PLD5: variants seen among roughly 807,000 people sequenced by gnomAD.
PLD5 encodes the protein phospholipase D family member 5.
A neutral mutation model predicts 61.1 loss-of-function variants in PLD5; 36 were observed. The ratio of observed to expected loss-of-function variants is 0.59; its 90% confidence interval spans 0.45 to 0.78. The LOEUF is 0.78. PLD5 is among the 30% of genes least tolerant of loss of function. The probability of loss-of-function intolerance (pLI) is 0.00; values close to 1 mark genes in which losing one functional copy is unlikely to be tolerated. For missense variants in PLD5, 515 were observed against 644.4 expected, an observed-to-expected ratio of 0.80 and a Z score of 2.17; for synonymous variants, 243 against 242.8, an observed-to-expected ratio of 1.00 and a Z score of -0.01.
intron 4 of PLD5, among the ~76,000 whole-genome samples, chr1:242,246,475 GACAAC>G (rs1672364273): frequency 3.1e-5 from 2 of 63,880 alleles, no homozygotes; most frequent in Non-Finnish European, 6.8e-5. Flanking sequence ...GCATAGAAAA[GACAAC>G]ACACACACAC....
intron 5 of PLD5, among the ~76,000 whole-genome samples, chr1:242,199,514 CAA>C (rs1668850340): frequency 6.6e-6 from 1 of 152,150 alleles, no homozygotes; most frequent in Non-Finnish European, 1.5e-5. Flanking sequence ...CTCGGCCTCC[CAA>C]AGGTCTGGGA....
chr1:242,235,115 T>C (rs1001335334), intron 4 of PLD5, among the ~76,000 whole-genome samples: 2 of 152,166 alleles, frequency 1.3e-5, no homozygotes. Context: ...TCTGTGCAGT[T>C]CCCTTTTGTA....
At chr1:242,410,790 C>A (rs1018354126) in intron 1 of PLD5, among the ~76,000 whole-genome samples, 2 of 152,038 alleles carry the variant, frequency 1.3e-5, no homozygotes, top group Admixed American at 6.6e-5. Context: ...CAACCTCAGG[C>A]ATAAATGGGT....
intron 1 of PLD5, among the ~76,000 whole-genome samples, chr1:242,483,601 G>T (rs372589865): frequency 7.9e-4 from 120 of 152,132 alleles, no homozygotes; most frequent in African/African-American, 2.0e-3. Flanking sequence ...CTCCCACACA[G>T]TAATAATGGG....
chr1:242,108,818 C>T (rs1316523628), intron 7 of PLD5, among the ~76,000 whole-genome samples: 1 of 152,106 alleles, frequency 6.6e-6, no homozygotes, highest in Non-Finnish European at 1.5e-5. Flanking sequence ...CTCTAAAGGC[C>T]TCCTGTCCTT....
chr1:242,374,407 CAG>C (rs1185201481), intron 1 of PLD5, among the ~76,000 whole-genome samples: 1 of 152,096 alleles, frequency 6.6e-6, no homozygotes, highest in Non-Finnish European at 1.5e-5. Flanking sequence ...TCTTGTGGCT[CAG>C]AAAACAATAT....
intron 3 of PLD5, among the ~76,000 whole-genome samples, chr1:242,286,976 G>A (rs1675062477): frequency 6.6e-6 from 1 of 152,078 alleles, no homozygotes; most frequent in Non-Finnish European, 1.5e-5. Flanking sequence ...TCCAAAGATG[G>A]CCACCAATAA....
chr1:242,149,973 G>A (rs1259545162), intron 5 of PLD5, among the ~76,000 whole-genome samples: 1 of 151,700 alleles, frequency 6.6e-6, no homozygotes, highest in African/African-American at 2.4e-5. Context: ...AGCATCTTGT[G>A]TTATAAACTT....
At chr1:242,340,178 C>G (rs1659751099) in intron 2 of PLD5, among the ~76,000 whole-genome samples, 1 of 152,122 alleles carries the variant, frequency 6.6e-6, no homozygotes, top group African/African-American at 2.4e-5. Context: ...ATTTAGTGCC[C>G]TGGAAATCCA....
chr1:242,351,728 T>G (rs2149224701), intron 1 of PLD5, among the ~76,000 whole-genome samples: 1 of 152,324 alleles, frequency 6.6e-6, no homozygotes, highest in South Asian at 2.1e-4. Context: ...AAAATGTTTC[T>G]CTCAAAACTC....
rs531869564 is a variant in PLD5 at position 242,344,188 on chromosome 1, A to T, written c.326+3918T>A. On this transcript the variant is annotated intron_variant, in intron 2 of 9. Transcript: ENST00000536534. ...TTGTTGCTATTTCCAATTCAGGATC[A>T]ACCAGAAAAAGTCAAATATGACCCT... 2.6e-5 allele frequency among the ~76,000 whole-genome samples: 4 copies of T among 152,372 alleles called. No individual in the cohort carries two copies. The East Asian group carries it at 7.7e-4, about 29-fold the overall frequency.
Position 242,256,888 on chromosome 1 carries a change from C to T in PLD5, c.607+8449G>A, listed in dbSNP as rs933516076. 7.3e-6 allele frequency among the ~76,000 whole-genome samples: 1 copy of T among 136,204 alleles called. No individual in the cohort carries two copies. The highest frequency in any genetic ancestry group is 1.6e-5 in the Non-Finnish European group (1 of 63,726). 89.4% of individuals were successfully genotyped at this position (136,204 alleles called of 152,430 possible). A position where few individuals can be genotyped will look rare whatever the true frequency, so the allele number is the denominator to read the frequency against. Reference sequence around the variant, plus strand: ...CCTATCTTCTTTCTTTTCTCTCCCTCTTCTTTCTCTTTCTTTTTTCATCTA... The same window carrying T: ...CCTATCTTCTTTCTTTTCTCTCCCTTTTCTTTCTCTTTCTTTTTTCATCTA... On this transcript the variant is annotated intron_variant, in intron 4 of 9. Coordinates refer to ENST00000536534, the MANE Select transcript of PLD5 (RefSeq NM_001372062.1). This position sits in a 1 kb window ranked among gnomAD's most constrained non-coding sequence, Gnocchi z 5.7.
intron 5 of PLD5, among the ~76,000 whole-genome samples, chr1:242,182,948 A>G (rs1667618633): frequency 6.6e-6 from 1 of 152,258 alleles, no homozygotes; most frequent in Non-Finnish European, 1.5e-5. Context: ...TAACTTAGGT[A>G]AGAAACAACA....
At chr1:242,186,203 G>A (rs1667872245) in intron 5 of PLD5, among the ~76,000 whole-genome samples, 1 of 150,692 alleles carries the variant, frequency 6.6e-6, no homozygotes, top group Admixed American at 6.6e-5. Flanking sequence ...TCTTTTTTGA[G>A]ATGGAGTCTC....
At chr1:242,145,955 C>G (rs570489671) in intron 5 of PLD5, among the ~76,000 whole-genome samples, 2 of 152,170 alleles carry the variant, frequency 1.3e-5, no homozygotes, top group Admixed American at 6.5e-5. Context: ...GGATTACAGG[C>G]GTGAGCCACC....
intron 6 of PLD5, among the ~76,000 whole-genome samples, chr1:242,121,845 A>G (rs1662389665): frequency 6.6e-6 from 1 of 151,870 alleles, no homozygotes; most frequent in Admixed American, 6.6e-5. Flanking sequence ...GCAAGGACAG[A>G]AAACCAAACA....
intron 5 of PLD5, among the ~76,000 whole-genome samples, chr1:242,198,452 T>A (rs182157114): frequency 1.7e-5 from 1 of 60,444 alleles, no homozygotes; most frequent in African/African-American, 1.8e-4. Context: ...ACTGAAATTG[T>A]TTTTTTTTAT....
chr1:242,302,787 TAC>T (rs1198802090), intron 2 of PLD5, among the ~76,000 whole-genome samples: 3 of 152,224 alleles, frequency 2.0e-5, no homozygotes, highest in African/African-American at 7.2e-5. Context: ...ATCTCCCAAA[TAC>T]ATATGAAATG....
intron 1 of PLD5, among the ~76,000 whole-genome samples, chr1:242,447,015 T>C (rs981146864): frequency 3.9e-5 from 6 of 152,162 alleles, no homozygotes; most frequent in Admixed American, 2.0e-4. Context: ...ACAGGGGTAG[T>C]CATTTTAAAA....
Sources: allele counts gnomAD v4.1 joint callset (sites outside exome capture counted in the v4.1 genomes callset), GRCh38; gene constraint gnomAD v4.1.1; non-coding constraint Gnocchi (gnomAD v3.1); transcripts MANE v1.5; gene names NCBI Gene and HGNC (gene_info 2026-07-23, HGNC 2026-07-21).